Variants in TMEM255A observed in about 807,000 individuals in gnomAD.
The protein encoded by TMEM255A is family with sequence similarity 70, member A.
Under a neutral mutation model 23.5 loss-of-function variants are expected in TMEM255A, and 14 were observed. That is an observed-to-expected ratio of 0.60 (90% CI 0.39 to 0.93). TMEM255A has a LOEUF of 0.93. Among genes scored for constraint, TMEM255A ranks in the 40% least tolerant of loss-of-function variants. TMEM255A has a pLI of 0.00. For synonymous variants in TMEM255A, 104 were observed against 100.3 expected (o/e 1.04, Z -0.22); for missense variants, 233 against 261.7 (o/e 0.89, Z 0.76).
At chrX:120,289,286 C>G (rs1466842196) in intron 4 of TMEM255A, among the ~76,000 whole-genome samples, 3 of 111,881 alleles carry the variant, frequency 2.7e-5, no homozygotes, top group African/African-American at 9.8e-5. Flanking sequence ...ATACTTGAGT[C>G]AAATGCTGTA....
chrX:120,293,967 T>C, intron 3 of TMEM255A, 22 bp downstream of exon 3: 1 of 1,123,502 alleles, frequency 8.9e-7, no homozygotes, highest in Non-Finnish European at 1.2e-6. Flanking sequence ...AGAACTTGAC[T>C]CTATAAGGGA....
chrX:120,287,891 G>T (rs1256947187), intron 4 of TMEM255A, among the ~76,000 whole-genome samples: 1 of 111,860 alleles, frequency 8.9e-6, no homozygotes, highest in Non-Finnish European at 1.9e-5. Flanking sequence ...TTACTCTGCT[G>T]GCTTGGCCAG....
intron 8 of TMEM255A, among the ~76,000 whole-genome samples, chrX:120,267,197 C>CT (rs2057723611): frequency 8.9e-6 from 1 of 112,189 alleles, no homozygotes; most frequent in Non-Finnish European, 1.9e-5. Flanking sequence ...TGAACGGTAT[C>CT]TAAACCAACC....
downstream of TMEM255A, chrX:120,254,559 C>T: frequency 8.3e-7 from 1 of 1,211,401 alleles, no homozygotes; most frequent in Non-Finnish European, 1.1e-6. Flanking sequence ...TACACTTCTT[C>T]AAGAACCACT....
rs114080473 is a variant in TMEM255A at position 120,277,222 on chromosome X, T to C, written c.513-175A>G. Among the ~76,000 whole-genome samples the C allele has an allele frequency of 8.7e-3, 966 of 111,533 alleles. 15 individuals are homozygous for C. Among genetic ancestry groups the C allele is most frequent in the African/African-American group, 0.029 (899 of 30,570 alleles). ...TGTACTATAATAAATCAAAGTGTGATTGTTTATCCCCACTCCCCGAAAAAA... is the reference window on the plus strand; with the variant it reads ...TGTACTATAATAAATCAAAGTGTGACTGTTTATCCCCACTCCCCGAAAAAA... On this transcript the variant is annotated intron_variant, in intron 6 of 8. Transcript: ENST00000371369.
At chrX:120,300,346 GTTTGTC>G in intron 2 of TMEM255A, among the ~76,000 whole-genome samples, 1 of 110,925 alleles carries the variant, frequency 9.0e-6, no homozygotes, top group South Asian at 3.8e-4. Flanking sequence ...TCTTAATCCA[GTTTGTC>G]TTTGTTTGTT....
chrX:120,307,345 C>T (rs1034562936), intron 1 of TMEM255A, among the ~76,000 whole-genome samples: 4 of 111,644 alleles, frequency 3.6e-5, no homozygotes, highest in African/African-American at 9.8e-5. Flanking sequence ...GAAGTACAGC[C>T]GTGTTCTTAT....
intron 7 of TMEM255A, among the ~76,000 whole-genome samples, chrX:120,275,095 C>T (rs1280968974): frequency 6.2e-5 from 7 of 112,338 alleles, no homozygotes; most frequent in Non-Finnish European, 1.1e-4. Flanking sequence ...TTCTTTTCTC[C>T]AAAGAAGCCC....
At chrX:120,297,031 T>A (rs868953510) in intron 2 of TMEM255A, among the ~76,000 whole-genome samples, 7 of 4,374 alleles carry the variant, frequency 1.6e-3, no homozygotes, top group Admixed American at 6.9e-3. Context: ...TATATATATA[T>A]AATATATAAT....
At chrX:120,301,759 T>C (rs906583751) in intron 2 of TMEM255A, among the ~76,000 whole-genome samples, 5 of 111,841 alleles carry the variant, frequency 4.5e-5, no homozygotes, top group African/African-American at 1.6e-4. Context: ...GTCATTCTTA[T>C]TCACATCAGA....
At chrX:120,277,079 C>T (rs1556020004) in intron 6 of TMEM255A, 32 bp from the exon 7 acceptor site, 1 of 1,177,752 alleles carries the variant, frequency 8.5e-7, no homozygotes, top group Non-Finnish European at 1.1e-6. Context: ...CCAGTCAGTC[C>T]CCAGGGAGCA....
At chrX:120,275,351 C>G (rs1385410957) in intron 7 of TMEM255A, among the ~76,000 whole-genome samples, 1 of 112,087 alleles carries the variant, frequency 8.9e-6, no homozygotes, top group Non-Finnish European at 1.9e-5. Flanking sequence ...CTTAGAGTCA[C>G]TAGCAGGAAC....
At chrX:120,285,461 G>A in intron 5 of TMEM255A, among the ~76,000 whole-genome samples, 1 of 111,432 alleles carries the variant, frequency 9.0e-6, no homozygotes, top group Admixed American at 9.6e-5. Context: ...CTGAATGGTG[G>A]AGATGGAGAG....
intron 4 of TMEM255A, among the ~76,000 whole-genome samples, chrX:120,289,158 T>G (rs2147201421): frequency 8.9e-6 from 1 of 111,917 alleles, no homozygotes; most frequent in Non-Finnish European, 1.9e-5. Context: ...CATCATAGAT[T>G]AATAAAGCCT....
intron 6 of TMEM255A, among the ~76,000 whole-genome samples, chrX:120,278,585 T>C (rs1361012499): frequency 8.9e-6 from 1 of 112,026 alleles, no homozygotes; most frequent in Non-Finnish European, 1.9e-5. Flanking sequence ...CTCCTGGATG[T>C]CACAAACTAG....
At chrX:120,282,377 C>T (rs1244199751) in intron 6 of TMEM255A, among the ~76,000 whole-genome samples, 2 of 111,414 alleles carry the variant, frequency 1.8e-5, no homozygotes, top group East Asian at 2.8e-4. Flanking sequence ...GAGAGATGTC[C>T]GGGGCTGGCT....
chrX:120,274,726 G>T (rs903447184), intron 7 of TMEM255A, among the ~76,000 whole-genome samples: 2 of 111,832 alleles, frequency 1.8e-5, no homozygotes, highest in Non-Finnish European at 3.8e-5. Context: ...TTTAATACAC[G>T]CATCTTGAAA....
intron 6 of TMEM255A, among the ~76,000 whole-genome samples, chrX:120,284,792 AC>A (rs2057861934): frequency 9.0e-6 from 1 of 111,115 alleles, no homozygotes; most frequent in African/African-American, 3.3e-5. Context: ...TTGGATATAG[AC>A]AGAGCTGAGT....
At chrX:120,263,811 C>T (rs1429181837) in intron 8 of TMEM255A, among the ~76,000 whole-genome samples, 3 of 91,501 alleles carry the variant, frequency 3.3e-5, no homozygotes, top group Non-Finnish European at 6.4e-5. Flanking sequence ...GGGTGGCGGG[C>T]GGGTGGCGGG....
Sources: gnomAD v4.1 joint callset for allele counts (sites outside exome capture counted in the v4.1 genomes callset) on GRCh38, gnomAD v4.1.1 for gene constraint, MANE v1.5 for transcripts, NCBI Gene and HGNC (gene_info 2026-07-23, HGNC 2026-07-21) for gene names.